Variants in CC2D1B observed in about 807,000 individuals in gnomAD.
The protein encoded by CC2D1B is coiled-coil and C2 domain containing 1B.
A neutral mutation model predicts 110.8 loss-of-function variants in CC2D1B; 92 were observed. The observed-to-expected ratio is 0.83, with a 90% CI of 0.70 to 0.99. The LOEUF (loss-of-function observed/expected upper bound fraction) is 0.99. Among genes scored for constraint, CC2D1B ranks in the 50% least tolerant of loss-of-function variants. The pLI is 0.00. For synonymous variants in CC2D1B, 406 were observed against 429.2 expected, an observed-to-expected ratio of 0.95 and a Z score of 0.67; for missense variants, 1,136 against 1,089.0, an observed-to-expected ratio of 1.04 and a Z score of -0.61.
At chr1:52,359,002 AG>A in intron 11 of CC2D1B, 24 bp downstream of exon 11, 1 of 1,601,514 alleles carries the variant, frequency 6.2e-7, no homozygotes. Flanking sequence ...CAGCACAGGC[AG>A]GGGCTGCATA....
intron 13 of CC2D1B, 194 bp downstream of exon 13, chr1:52,358,137 G>T: frequency 3.2e-6 from 3 of 928,812 alleles, no homozygotes; most frequent in Non-Finnish European, 4.7e-6. Flanking sequence ...CGGGGCTCTG[G>T]GTTCAGAAAG....
At chr1:52,361,406 CAG>C in intron 4 of CC2D1B, 105 bp downstream of exon 4, 1 of 1,558,586 alleles carries the variant, frequency 6.4e-7, no homozygotes, top group Non-Finnish European at 8.7e-7. Context: ...AGCACTCACT[CAG>C]AGTCAGAGAA....
intron 4 of CC2D1B, 50 bp downstream of exon 4, chr1:52,361,463 C>G: frequency 6.2e-7 from 1 of 1,609,802 alleles, no homozygotes; most frequent in South Asian, 1.1e-5. Flanking sequence ...TCTCCTCCAC[C>G]AGGCCCAAGC....
intron 16 of CC2D1B, 123 bp from the exon 17 acceptor site, chr1:52,356,565 C>A: frequency 9.9e-7 from 1 of 1,014,214 alleles, no homozygotes; most frequent in South Asian, 1.4e-5. Context: ...CCTCCCACAA[C>A]ACAGCCCCAA....
At chr1:52,360,037 C>A in intron 7 of CC2D1B, 37 bp downstream of exon 7, 3 of 1,554,292 alleles carry the variant, frequency 1.9e-6, no homozygotes, top group Non-Finnish European at 2.6e-6. Flanking sequence ...GGCTATGACC[C>A]CAGGAACTAG....
At chr1:52,353,691 G>T in intron 23 of CC2D1B, 44 bp from the exon 24 acceptor site, 2 of 1,458,846 alleles carry the variant, frequency 1.4e-6, no homozygotes, top group South Asian at 1.2e-5. Context: ...AGGGGACAGA[G>T]ATGGGGAGCA....
chr1:52,360,751 A>C (rs1205031290), intron 5 of CC2D1B: 4 of 934,804 alleles, frequency 4.3e-6, no homozygotes, highest in Non-Finnish European at 6.3e-6. Context: ...ACTTGGTGGA[A>C]GCCAGGATAT....
In CC2D1B at chr1:52,350,671, G is replaced by GAA. The variant is rs2147885277; in HGVS notation, c.*2552_*2553dup. The GAA allele has an allele frequency of 6.6e-6, 1 of 152,314 alleles. No individual in the cohort carries two copies. Among genetic ancestry groups the GAA allele is most frequent in the South Asian group, 2.1e-4 (1 of 4,830 alleles). The allele number at this position is 152,314 out of a possible 1,614,324, so 9.4% of individuals were successfully genotyped here. On this transcript the variant is annotated 3_prime_UTR_variant, in exon 25 of 25. Transcript: ENST00000284376. ...GTGCATTGCATGAGATCAAAGAATT[G>GAA]AAAATTTTAAAATGATTTGGGTTGT...
chr1:52,353,376 A>T, intron 24 of CC2D1B, 142 bp downstream of exon 24: 1 of 1,513,910 alleles, frequency 6.6e-7, no homozygotes, highest in Non-Finnish European at 8.8e-7. Flanking sequence ...AACATCAGAA[A>T]CTCAGCCCAT....
intron 15 of CC2D1B, 29 bp downstream of exon 15, chr1:52,357,497 G>A: frequency 6.4e-7 from 1 of 1,550,802 alleles, no homozygotes; most frequent in Non-Finnish European, 8.7e-7. Context: ...CGCCTGAGAA[G>A]TCCTGGTGGT....
chr1:52,351,843 C>G lies in CC2D1B; in HGVS notation c.*1382G>C, dbSNP rs1157732713. The G allele has an allele frequency of 6.7e-6, 1 of 149,056 alleles. No individual in the cohort carries two copies. Among genetic ancestry groups the G allele is most frequent in the African/African-American group, 2.5e-5 (1 of 39,818 alleles). 9.2% of individuals were successfully genotyped at this position (149,056 alleles called of 1,614,324 possible). A position where few individuals can be genotyped will look rare whatever the true frequency, so the allele number is the denominator to read the frequency against. Reference sequence around the variant, plus strand: ...GGGTTGCAGCGAGCTGAGATCATGCCACTGCACTCCAGCCTGGCTGGCAGA... The same window carrying G: ...GGGTTGCAGCGAGCTGAGATCATGCGACTGCACTCCAGCCTGGCTGGCAGA... On this transcript the variant is annotated 3_prime_UTR_variant, in exon 25 of 25. Transcript: ENST00000284376.
intron 7 of CC2D1B, 27 bp downstream of exon 7, chr1:52,360,047 G>C (rs765207851): frequency 1.3e-6 from 2 of 1,558,138 alleles, no homozygotes; most frequent in African/African-American, 1.4e-5. Context: ...CCAGGAACTA[G>C]AACAGGATTT....
In CC2D1B at chr1:52,361,066, C is replaced by G. The variant is rs762585929; in HGVS notation, c.385G>C (p.Asp129His). Residue 129 changes from aspartate (D) to histidine (H), a missense_variant, in exon 5 of 25, where the codon GAC (aspartate) becomes CAC (histidine). Asp to His is a moderately conservative substitution (Grantham distance 81). Transcript: ENST00000284376. Reference protein sequence around the residue: ...TEPLDGDEVADPGGSEEENGL... With the variant: ...TEPLDGDEVAHPGGSEEENGL... ...TTCTCCTCCTCAGAGCCGCCTGGGT[C>G]AGCTACCTCATCACCATCCAGGGGC... 4 of 1,613,988 alleles carry G rather than the reference C, an allele frequency of 2.5e-6. No homozygotes were observed. The highest frequency in any genetic ancestry group is 3.4e-6 in the Non-Finnish European group (4 of 1,180,010).
In CC2D1B at chr1:52,353,007, A is replaced by AGAT. The variant is rs1646558036; in HGVS notation, c.*215_*217dup. 2.5e-6 allele frequency: 1 copy of AGAT among 394,646 alleles called. No individual in the cohort carries two copies. Among genetic ancestry groups the AGAT allele is most frequent in the Non-Finnish European group, 5.0e-6 (1 of 198,214 alleles). The allele number at this position is 394,646 out of a possible 1,614,324, so 24.4% of individuals were successfully genotyped here. On this transcript the variant is annotated 3_prime_UTR_variant, in exon 25 of 25. Coordinates refer to ENST00000284376, the MANE Select transcript of CC2D1B (RefSeq NM_001330585.2). The stretch of plus-strand genomic sequence containing the variant: ...CTCGGGGCAGGGGGAGACAGCGGGG[A>AGAT]GATGGGCTCCTGGAACCCAGCCTGT...
At position 52,357,513 on chromosome 1, in the gene CC2D1B, A is replaced by T; in HGVS notation, c.1752+13T>A. The T allele has an allele frequency of 6.4e-7, 1 of 1,563,066 alleles. No homozygotes were observed. On this transcript the variant is annotated intron_variant, in intron 15 of 24. Coordinates refer to ENST00000284376, the MANE Select transcript of CC2D1B (RefSeq NM_001330585.2). ...GCCTGAGAAGTCCTGGTGGTTAACCAGGTGGGACTCACCTTGGACAGATCA... is the reference window on the plus strand; with the variant it reads ...GCCTGAGAAGTCCTGGTGGTTAACCTGGTGGGACTCACCTTGGACAGATCA...
chr1:52,359,071 C>G lies in CC2D1B; in HGVS notation c.1213G>C (p.Gly405Arg), dbSNP rs777125556. The G allele has an allele frequency of 6.2e-7, 1 of 1,609,012 alleles. No homozygotes were observed. Among genetic ancestry groups the G allele is most frequent in the South Asian group, 1.1e-5 (1 of 91,084 alleles). ...ATCCGAGCCTTGCGCTCGTCCCCAC[C>G]ACTCCGGGCCTGGATGCCCGCCTCG... is the stretch of plus-strand genomic sequence containing the variant. ...YREAGIQARS[G>R]GDERKARMHE... is the part of the protein sequence containing the mutation. The change falls in exon 11 of 25, where the codon GGT becomes CGT. Residue 405 changes from glycine to arginine, a missense_variant. By Grantham distance (125) the Gly-to-Arg change is moderately radical. Transcript: ENST00000284376.
At chr1:52,357,293 T>C in intron 15 of CC2D1B, 167 bp from the exon 16 acceptor site, 2 of 950,564 alleles carry the variant, frequency 2.1e-6, no homozygotes, top group South Asian at 1.6e-5. Flanking sequence ...TTGCCTCCCA[T>C]GGCCTGGCCC....
intron 23 of CC2D1B, 27 bp from the exon 24 acceptor site, chr1:52,353,674 G>GTAAC (rs767981801): frequency 1.3e-6 from 2 of 1,539,212 alleles, no homozygotes; most frequent in Non-Finnish European, 1.8e-6. Flanking sequence ...GAGGGAAATG[G>GTAAC]TAACTAAGGG....
rs779330766 is a variant in CC2D1B, at chr1:52,364,599, G to A, written c.22C>T (p.Arg8Trp). ...TGGCCTCTGGCCTGAGGGCCCTTCCGAGGTCTTGGCCCTGGCATCATGGCA... is the reference window on the plus strand; with the variant it reads ...TGGCCTCTGGCCTGAGGGCCCTTCCAAGGTCTTGGCCCTGGCATCATGGCA... MMPGPRP[R>W]KGPQARGQGV... The change falls in exon 2 of 25, where the codon CGG (arginine) becomes TGG (tryptophan). Residue 8 changes from arginine to tryptophan, a missense_variant. Transcript: ENST00000284376. The A allele has an allele frequency of 9.3e-6, 15 of 1,607,660 alleles. No homozygotes were observed. The African/African-American group carries it at 1.1e-4, about 11-fold the overall frequency.
Sources: allele counts gnomAD v4.1 joint callset, GRCh38; gene constraint gnomAD v4.1.1; transcripts MANE v1.5; gene names NCBI Gene and HGNC (gene_info 2026-07-23, HGNC 2026-07-21).